TSC22D2: variants seen among roughly 807,000 people sequenced by gnomAD.
TSC22D2 encodes TSC22 domain family member 2, also known as TSC22 domain family protein 2.
In TSC22D2, 5 loss-of-function variants were observed where a neutral mutation model predicts 50.1. The observed-to-expected ratio is 0.10, with a 90% CI of 0.05 to 0.21. The LOEUF (loss-of-function observed/expected upper bound fraction) is 0.21, where lower values mean the gene tolerates loss of function less well. Ranked by LOEUF, TSC22D2 falls within the 10% of genes least tolerant of loss-of-function variation. The pLI is 1.00. For synonymous variants in TSC22D2, 501 were observed against 450.1 expected (o/e 1.11, Z -1.43); for missense variants, 1,003 against 1,015.5 (o/e 0.99, Z 0.17).
In TSC22D2 at chr3:150,458,751, C is replaced by A. The variant is rs953865108; in HGVS notation, c.*115C>A. 9.6e-6 allele frequency: 13 copies of A among 1,355,144 alleles called. No homozygotes were observed. Among genetic ancestry groups the A allele is most frequent in the Non-Finnish European group, 1.2e-5 (12 of 992,074 alleles). The allele number at this position is 1,355,144 out of a possible 1,614,324, so 83.9% of individuals were successfully genotyped here. ...AGCCATGCTTTGGTTGTGTGTTTGG[C>A]CTTTTCAGTATTAGACAATCATTCT... On this transcript the variant is annotated 3_prime_UTR_variant, in exon 3 of 3. Coordinates refer to ENST00000688009, the MANE Select transcript of TSC22D2 (RefSeq NM_001303264.2).
Position 150,410,537 on chromosome 3 carries a change from C to G in TSC22D2, c.1187C>G (p.Pro396Arg), listed in dbSNP as rs751939964. Residue 396 changes from proline to arginine, a missense_variant, in exon 1 of 3, where the codon CCC becomes CGC. Coordinates refer to ENST00000688009, the MANE Select transcript of TSC22D2 (RefSeq NM_001303264.2). ...CTGCAGCCGCCAAGCCCCGCGCAGC[C>G]CTCGTCCACCGGCGCCGCAGCGAGC... ...AGLQPPSPAQ[P>R]SSTGAAASPA... 6.4e-7 allele frequency: 1 copy of G among 1,567,348 alleles called. No homozygotes were observed. The highest frequency in any genetic ancestry group is 2.4e-5 in the East Asian group (1 of 41,684).
intron 1 of TSC22D2, among the ~76,000 whole-genome samples, chr3:150,429,328 A>G (rs1720301626): frequency 1.3e-5 from 2 of 152,264 alleles, no homozygotes; most frequent in Non-Finnish European, 2.9e-5. Context: ...AGCATCTTAA[A>G]AACTAGTGAA....
In TSC22D2 at chr3:150,466,212, C is replaced by CACAT. The variant is rs1157278034; in HGVS notation, c.*7579_*7580insTACA. The CACAT allele has an allele frequency of 1.1e-4, 16 of 151,298 alleles. No individual in the cohort carries two copies. The highest frequency in any genetic ancestry group is 3.9e-4 in the Admixed American group (6 of 15,224). The allele number at this position is 151,298 out of a possible 1,614,324, so 9.4% of individuals were successfully genotyped here. A position where few individuals can be genotyped will look rare whatever the true frequency, so the allele number is the denominator to read the frequency against. ...CACATCACACACACACACACACACA[C>CACAT]ACACACACACACACAAATACTGTAT... On this transcript the variant is annotated 3_prime_UTR_variant, in exon 3 of 3. Transcript: ENST00000688009.
intron 1 of TSC22D2, among the ~76,000 whole-genome samples, chr3:150,428,912 T>C (rs759982640): frequency 2.6e-5 from 4 of 152,174 alleles, no homozygotes; most frequent in African/African-American, 4.8e-5. Context: ...TCTTCCTGTC[T>C]GTTAACCAGG....
chr3:150,450,678 A>G (rs922524886), intron 1 of TSC22D2, among the ~76,000 whole-genome samples: 1 of 152,118 alleles, frequency 6.6e-6, no homozygotes, highest in Non-Finnish European at 1.5e-5. Context: ...TTGTTCTTAA[A>G]TTAAGCTGTA....
intron 1 of TSC22D2, among the ~76,000 whole-genome samples, chr3:150,444,965 G>T (rs1255550440): frequency 6.6e-6 from 1 of 151,934 alleles, no homozygotes; most frequent in Non-Finnish European, 1.5e-5. Context: ...TTTCTTATTT[G>T]CTTTTAGTAA....
intron 1 of TSC22D2, among the ~76,000 whole-genome samples, chr3:150,433,119 A>G (rs1720430994): frequency 6.6e-6 from 1 of 152,236 alleles, no homozygotes; most frequent in Non-Finnish European, 1.5e-5. Flanking sequence ...ATGTTTATCC[A>G]TTAGTAAATA....
At chr3:150,419,467 G>A (rs1432473559) in intron 1 of TSC22D2, among the ~76,000 whole-genome samples, 5 of 152,012 alleles carry the variant, frequency 3.3e-5, no homozygotes, top group African/African-American at 4.8e-5. Context: ...GCTTGTTGAT[G>A]TTCTTCATAT....
chr3:150,422,796 A>G (rs1475198538), intron 1 of TSC22D2, among the ~76,000 whole-genome samples: 2 of 152,228 alleles, frequency 1.3e-5, no homozygotes, highest in Non-Finnish European at 2.9e-5. Flanking sequence ...GCTACTTAGT[A>G]TTTAGTTTCA....
At chr3:150,430,784 A>G (rs1287444240) in intron 1 of TSC22D2, among the ~76,000 whole-genome samples, 1 of 152,196 alleles carries the variant, frequency 6.6e-6, no homozygotes, top group Non-Finnish European at 1.5e-5. Context: ...ACCTTAGGCA[A>G]TACCACCTGC....
At chr3:150,447,920 C>T (rs1480613041) in intron 1 of TSC22D2, among the ~76,000 whole-genome samples, 3 of 152,110 alleles carry the variant, frequency 2.0e-5, no homozygotes, top group South Asian at 2.1e-4. Flanking sequence ...TTTGGGCTTA[C>T]ATCCCTTGGT....
At position 150,410,472 on chromosome 3, in the gene TSC22D2, C is replaced by T. The variant is rs770384837; in HGVS notation, c.1122C>T (p.Pro374=). The change falls in exon 1 of 3, where the codon CCC becomes CCT. Residue 374 remains proline, a synonymous_variant. Coordinates refer to ENST00000688009, the MANE Select transcript of TSC22D2 (RefSeq NM_001303264.2). The part of the protein sequence containing the change: ...IPPGHLLPVQ[P]SGQSEYLQQH... ...CCGGACATTTGCTGCCCGTCCAGCC[C>T]TCCGGCCAGAGTGAGTACCTGCAGC... 5 of 1,608,190 alleles carry T rather than the reference C, an allele frequency of 3.1e-6. No individual in the cohort carries two copies. The highest frequency in any genetic ancestry group is 1.7e-4 in the Middle Eastern group (1 of 6,038).
At chr3:150,452,822 C>G (rs1721082740) in intron 1 of TSC22D2, among the ~76,000 whole-genome samples, 1 of 152,160 alleles carries the variant, frequency 6.6e-6, no homozygotes, top group South Asian at 2.1e-4. Context: ...CTCTATATTT[C>G]TGTTCATTCT....
At chr3:150,435,973 AG>A (rs1338893928) in intron 1 of TSC22D2, among the ~76,000 whole-genome samples, 1 of 152,162 alleles carries the variant, frequency 6.6e-6, no homozygotes, top group African/African-American at 2.4e-5. Flanking sequence ...TAAATTTTGA[AG>A]GGTATCTGGT....
rs756007680 is a variant in TSC22D2, at chr3:150,409,954, A to G, written c.604A>G (p.Ile202Val). ...CGTCCTGACTAGATCCGGGGATTGC[A>G]TTAGACACAGCAGTACTTTTGACCA... ...SSVLTRSGDCIRHSSTFDQTA... is the reference protein window; with the variant it reads ...SSVLTRSGDCVRHSSTFDQTA... Residue 202 changes from isoleucine (I) to valine (V), a missense_variant, in exon 1 of 3, where the codon ATT (isoleucine) becomes GTT (valine). Around this residue, in one of 6 missense-constraint regions of TSC22D2, gnomAD observed 696 missense variants for 647.8 expected, o/e 1.07. Coordinates refer to ENST00000688009, the MANE Select transcript of TSC22D2 (RefSeq NM_001303264.2). This position sits in a 1 kb window ranked among gnomAD's most constrained non-coding sequence, Gnocchi z 7.4. 1.2e-6 allele frequency: 2 copies of G among 1,613,940 alleles called. No individual in the cohort carries two copies. The highest frequency in any genetic ancestry group is 1.3e-5 in the African/African-American group (1 of 75,048).
intron 1 of TSC22D2, among the ~76,000 whole-genome samples, chr3:150,415,135 C>T (rs138575324): frequency 5.9e-5 from 9 of 152,084 alleles, no homozygotes; most frequent in East Asian, 1.9e-4. Context: ...TATTCATAAA[C>T]GTGGCTTGAA....
At chr3:150,418,869 T>C (rs976043347) in intron 1 of TSC22D2, among the ~76,000 whole-genome samples, 9 of 152,034 alleles carry the variant, frequency 5.9e-5, no homozygotes, top group East Asian at 1.9e-4. Flanking sequence ...TATAATCTTA[T>C]GATAAAGCTG....
intron 1 of TSC22D2, among the ~76,000 whole-genome samples, chr3:150,448,277 A>T (rs1720941833): frequency 6.6e-6 from 1 of 152,122 alleles, no homozygotes; most frequent in African/African-American, 2.4e-5. Flanking sequence ...GGAGTTAGAG[A>T]CCAACCTGGG....
At chr3:150,444,585 T>C (rs1384532453) in intron 1 of TSC22D2, among the ~76,000 whole-genome samples, 2 of 152,220 alleles carry the variant, frequency 1.3e-5, no homozygotes, top group Non-Finnish European at 2.9e-5. Context: ...ATCTCTGGAA[T>C]CTAAATCGAT....
Sources: allele counts gnomAD v4.1 joint callset (sites outside exome capture counted in the v4.1 genomes callset), GRCh38; gene constraint gnomAD v4.1.1; regional missense constraint gnomAD v4.1.1; non-coding constraint Gnocchi (gnomAD v3.1); transcripts MANE v1.5; gene names NCBI Gene and HGNC (gene_info 2026-07-23, HGNC 2026-07-21).